Variants in ADCY8 observed in about 807,000 individuals in gnomAD.
ADCY8 encodes adenylate cyclase type 8.
Under a neutral mutation model 119.7 loss-of-function variants are expected in ADCY8, and 51 were observed. The observed-to-expected ratio is 0.43, with a 90% CI of 0.34 to 0.54. The LOEUF (loss-of-function observed/expected upper bound fraction) is 0.54. ADCY8 is among the 20% of genes least tolerant of loss of function. ADCY8 has a pLI of 0.03. For missense variants in ADCY8, 1,383 were observed against 1,598.8 expected, an observed-to-expected ratio of 0.87 and a Z score of 2.30; for synonymous variants, 665 against 651.0, an observed-to-expected ratio of 1.02 and a Z score of -0.33.
intron 4 of ADCY8, among the ~76,000 whole-genome samples, chr8:130,939,090 T>C (rs1207528050): frequency 7.0e-6 from 1 of 142,688 alleles, no homozygotes; most frequent in Non-Finnish European, 1.5e-5. Context: ...TGTTGTAGGG[T>C]ACATTTTTTT....
chr8:130,787,789 G>T (rs1338633272), intron 15 of ADCY8, among the ~76,000 whole-genome samples: 2 of 152,000 alleles, frequency 1.3e-5, no homozygotes, highest in African/African-American at 4.8e-5. Context: ...CTGTGTGTGG[G>T]TGCACACACA....
chr8:130,783,576 G>C, intron 17 of ADCY8, 115 bp downstream of exon 17: 1 of 666,658 alleles, frequency 1.5e-6, no homozygotes, highest in Non-Finnish European at 2.6e-6. Flanking sequence ...GGTCATGCTA[G>C]ATCTATTGCA....
At chr8:130,908,692 AG>A (rs1312186099) in intron 6 of ADCY8, among the ~76,000 whole-genome samples, 2 of 152,154 alleles carry the variant, frequency 1.3e-5, no homozygotes, top group Non-Finnish European at 2.9e-5. Flanking sequence ...TGGACTCAGA[AG>A]TTAAGCACTG....
chr8:130,807,607 A>G (rs1305247885), intron 14 of ADCY8, among the ~76,000 whole-genome samples: 1 of 152,216 alleles, frequency 6.6e-6, no homozygotes, highest in Non-Finnish European at 1.5e-5. Flanking sequence ...AAGGGCCCAC[A>G]CCAGACATGA....
chr8:130,930,290 C>T (rs1295641466), intron 5 of ADCY8, among the ~76,000 whole-genome samples: 1 of 149,738 alleles, frequency 6.7e-6, no homozygotes. Context: ...CTCGTTCTGT[C>T]ACCCAGGCTG....
At chr8:130,827,696 C>T (rs1340481108) in intron 12 of ADCY8, among the ~76,000 whole-genome samples, 2 of 152,132 alleles carry the variant, frequency 1.3e-5, no homozygotes, top group Non-Finnish European at 2.9e-5. Context: ...ATGACAAGCC[C>T]AGGTGTCTAC....
chr8:130,841,753 C>G (rs1233662496), intron 11 of ADCY8, among the ~76,000 whole-genome samples: 1 of 152,078 alleles, frequency 6.6e-6, no homozygotes, highest in Admixed American at 6.5e-5. Flanking sequence ...ACTCATGAGA[C>G]AAGAAGAAAA....
intron 2 of ADCY8, among the ~76,000 whole-genome samples, chr8:130,968,373 G>A (rs542199998): frequency 1.0e-3 from 155 of 152,184 alleles, no homozygotes; most frequent in African/African-American, 3.5e-3. Context: ...GGGTTCCACC[G>A]TGTTAGCCAG....
At chr8:130,934,372 G>A (rs945795765) in intron 5 of ADCY8, among the ~76,000 whole-genome samples, 1 of 152,172 alleles carries the variant, frequency 6.6e-6, no homozygotes, top group Non-Finnish European at 1.5e-5. Context: ...GAAGGAGGAA[G>A]AGAGCAAAGA....
chr8:131,036,604 T>G (rs1030056972), intron 1 of ADCY8, among the ~76,000 whole-genome samples: 1 of 152,120 alleles, frequency 6.6e-6, no homozygotes, highest in African/African-American at 2.4e-5. Context: ...ACATAGTAGA[T>G]ATAAACAAAT....
At chr8:130,996,129 CA>C (rs1822765046) in intron 1 of ADCY8, among the ~76,000 whole-genome samples, 1 of 151,764 alleles carries the variant, frequency 6.6e-6, no homozygotes. Context: ...GCAATACTAA[CA>C]AATGCATGAG....
chr8:130,878,083 CA>C (rs1322772702), intron 8 of ADCY8, among the ~76,000 whole-genome samples: 1 of 152,156 alleles, frequency 6.6e-6, no homozygotes, highest in Non-Finnish European at 1.5e-5. Flanking sequence ...ATTTTCACAA[CA>C]ACCCCTAGGG....
intron 5 of ADCY8, among the ~76,000 whole-genome samples, chr8:130,924,321 T>G (rs988988347): frequency 6.6e-6 from 1 of 152,028 alleles, no homozygotes; most frequent in Non-Finnish European, 1.5e-5. Context: ...AATCTGAGAG[T>G]GGCCAACATG....
At chr8:130,800,702 A>T in intron 14 of ADCY8, 130 bp from the exon 15 acceptor site, 1 of 995,364 alleles carries the variant, frequency 1.0e-6, no homozygotes, top group Non-Finnish European at 1.5e-6. Flanking sequence ...TGAGGCTTGG[A>T]TATCGTTATG....
intron 12 of ADCY8, among the ~76,000 whole-genome samples, chr8:130,833,034 C>A (rs1337799554): frequency 6.6e-6 from 1 of 152,134 alleles, no homozygotes; most frequent in African/African-American, 2.4e-5. Flanking sequence ...CTAAAGGTGG[C>A]TTATTTTGTT....
At chr8:130,977,155 G>C (rs1157553129) in intron 2 of ADCY8, among the ~76,000 whole-genome samples, 1 of 152,292 alleles carries the variant, frequency 6.6e-6, no homozygotes, top group Middle Eastern at 3.4e-3. Flanking sequence ...CGGGTCGGGT[G>C]TGAGCGCATG....
At chr8:130,973,301 T>C (rs892795393) in intron 2 of ADCY8, among the ~76,000 whole-genome samples, 21 of 152,272 alleles carry the variant, frequency 1.4e-4, no homozygotes, top group Admixed American at 1.0e-3. Flanking sequence ...GGCTTAGTCA[T>C]GCTACTTGCC....
chr8:131,004,330 T>C (rs1021573466), intron 1 of ADCY8, among the ~76,000 whole-genome samples: 2 of 152,208 alleles, frequency 1.3e-5, no homozygotes, highest in Non-Finnish European at 1.5e-5. Context: ...AAGTCTCACA[T>C]GTACCTCCCA....
chr8:130,910,130 C>T (rs1180301714), intron 5 of ADCY8, among the ~76,000 whole-genome samples: 2 of 151,928 alleles, frequency 1.3e-5, no homozygotes, highest in East Asian at 3.9e-4. Flanking sequence ...CCACCACGCC[C>T]GTCCACCTCT....
Sources: gnomAD v4.1 joint callset for allele counts (sites outside exome capture counted in the v4.1 genomes callset) on GRCh38, gnomAD v4.1.1 for gene constraint, MANE v1.5 for transcripts, NCBI Gene and HGNC (gene_info 2026-07-23, HGNC 2026-07-21) for gene names.